The following ASB11 variants were observed in gnomAD, a reference collection of about 807,000 sequenced individuals.
The protein encoded by ASB11 is ankyrin repeat and SOCS box protein 11.
In ASB11, 17 loss-of-function variants were observed where a neutral mutation model predicts 20.1. The ratio of observed to expected loss-of-function variants is 0.85; its 90% CI spans 0.58 to 1.27. ASB11 has a LOEUF of 1.27. ASB11 is among the 50% of genes most tolerant of loss of function. ASB11 has a pLI of 0.00. For missense variants in ASB11, 259 were observed against 256.9 expected, an observed-to-expected ratio of 1.01 and a Z score of -0.06; for synonymous variants, 107 against 105.6, an observed-to-expected ratio of 1.01 and a Z score of -0.08.
intron 5 of ASB11, among the ~76,000 whole-genome samples, chrX:15,288,937 G>A (rs899043946): frequency 2.7e-5 from 3 of 111,184 alleles, no homozygotes; most frequent in African/African-American, 9.8e-5. Context: ...TTCTGTATAT[G>A]CCTTTTAGAA....
chrX:15,300,852 T>C (rs1255116097), intron 2 of ASB11, among the ~76,000 whole-genome samples: 2 of 111,998 alleles, frequency 1.8e-5, no homozygotes, highest in Non-Finnish European at 1.9e-5. Context: ...CTATTAAAAA[T>C]ATACCAATGA....
chrX:15,284,178 G>C (rs762048689), intron 6 of ASB11, among the ~76,000 whole-genome samples: 1 of 105,648 alleles, frequency 9.5e-6, no homozygotes, highest in African/African-American at 3.5e-5. Context: ...CGTGAACCCG[G>C]GAGGCGGAGC....
At chrX:15,288,916 G>A (rs1437275454) in intron 5 of ASB11, among the ~76,000 whole-genome samples, 2 of 110,964 alleles carry the variant, frequency 1.8e-5, no homozygotes, top group Non-Finnish European at 3.8e-5. Context: ...ATTTTTCCAC[G>A]GACTCTTGGT....
intron 6 of ASB11, 107 bp downstream of exon 6, chrX:15,287,774 A>G: frequency 1.1e-6 from 1 of 951,240 alleles, no homozygotes; most frequent in African/African-American, 2.0e-5. Flanking sequence ...CCACAATGCC[A>G]CCTTCAATTA....
chrX:15,290,511 G>A (rs1345361786), intron 4 of ASB11, among the ~76,000 whole-genome samples: 5 of 112,289 alleles, frequency 4.5e-5, no homozygotes, highest in Non-Finnish European at 7.5e-5. Context: ...TTCATATTCA[G>A]TGGCTAACAA....
intron 3 of ASB11, 102 bp from the exon 4 acceptor site, chrX:15,293,422 G>T (rs1927585468): frequency 2.1e-6 from 2 of 935,212 alleles, no homozygotes; most frequent in Non-Finnish European, 2.9e-6. Context: ...CCCCACGCTG[G>T]TGAATAAGTG....
intron 3 of ASB11, among the ~76,000 whole-genome samples, chrX:15,294,025 AAAAAAT>A (rs1467048451): frequency 5.4e-5 from 6 of 111,205 alleles, no homozygotes; most frequent in Admixed American, 9.6e-5. Flanking sequence ...AAAGTATAAT[AAAAAAT>A]AAAAATAAAA....
chrX:15,285,348 C>T (rs1927353137), intron 6 of ASB11, among the ~76,000 whole-genome samples: 1 of 108,817 alleles, frequency 9.2e-6, no homozygotes, highest in East Asian at 2.9e-4. Flanking sequence ...ACCATCTTAG[C>T]CAGGCTGGTC....
chrX:15,295,272 A>C (rs968209891), intron 3 of ASB11, among the ~76,000 whole-genome samples: 3 of 110,316 alleles, frequency 2.7e-5, no homozygotes, highest in Non-Finnish European at 3.8e-5. Context: ...TGATCTCTTG[A>C]TCTCATGATC....
At chrX:15,306,362 G>T (rs969002031) in intron 1 of ASB11, among the ~76,000 whole-genome samples, 1 of 112,084 alleles carries the variant, frequency 8.9e-6, no homozygotes, top group South Asian at 3.7e-4. Context: ...TATTGCATTT[G>T]TATTTACCCT....
intron 2 of ASB11, among the ~76,000 whole-genome samples, chrX:15,298,041 T>A (rs1920984773): frequency 8.9e-6 from 1 of 112,006 alleles, no homozygotes; most frequent in Admixed American, 9.5e-5. Flanking sequence ...GCAGGTAATG[T>A]ACTAGGACCT....
At chrX:15,303,720 G>C (rs1206591040) in intron 1 of ASB11, among the ~76,000 whole-genome samples, 1 of 111,464 alleles carries the variant, frequency 9.0e-6, no homozygotes, top group African/African-American at 3.3e-5. Context: ...TTGAACCCCA[G>C]TTTCCTTACT....
intron 4 of ASB11, among the ~76,000 whole-genome samples, chrX:15,290,610 GGA>G (rs1927508051): frequency 8.9e-6 from 1 of 112,114 alleles, no homozygotes; most frequent in Non-Finnish European, 1.9e-5. Flanking sequence ...GCTTTGTTCA[GGA>G]GAGAGTGCTT....
intron 2 of ASB11, among the ~76,000 whole-genome samples, chrX:15,300,825 A>T (rs886208310): frequency 1.8e-5 from 2 of 112,297 alleles, no homozygotes; most frequent in Non-Finnish European, 3.8e-5. Context: ...TTAAAATTAT[A>T]CAAAAATTTA....
intron 2 of ASB11, among the ~76,000 whole-genome samples, chrX:15,301,952 T>A (rs1921081922): frequency 8.9e-6 from 1 of 111,780 alleles, no homozygotes; most frequent in Non-Finnish European, 1.9e-5. Flanking sequence ...CCTTGTATAA[T>A]CCCTGCCCCT....
At chrX:15,314,773 T>C (rs781053483) in intron 1 of ASB11, among the ~76,000 whole-genome samples, 8 of 110,432 alleles carry the variant, frequency 7.2e-5, no homozygotes, top group African/African-American at 2.3e-4. Context: ...TTGTAGCATC[T>C]CACCACAATT....
At chrX:15,296,796 G>C (rs1458682577) in intron 3 of ASB11, among the ~76,000 whole-genome samples, 2 of 111,519 alleles carry the variant, frequency 1.8e-5, no homozygotes, top group Non-Finnish European at 3.8e-5. Flanking sequence ...AACCATTATG[G>C]GGAACAGTTT....
chrX:15,282,592 G>A lies in ASB11; in HGVS notation c.*913C>T, dbSNP rs1194335058. On this transcript the variant is annotated 3_prime_UTR_variant, in exon 7 of 7. Transcript: ENST00000480796. Reference sequence around the variant, plus strand: ...GCAACATGCCTCAGACAATGCCTGTGGGTTCAGGTTGTTGGGGACACCCAG... The same window carrying A: ...GCAACATGCCTCAGACAATGCCTGTAGGTTCAGGTTGTTGGGGACACCCAG... 9.0e-6 allele frequency: 1 copy of A among 111,027 alleles called. No homozygotes were observed. The highest frequency in any genetic ancestry group is 1.9e-5 in the Non-Finnish European group (1 of 53,076). 9.1% of individuals were successfully genotyped at this position (111,027 alleles called of 1,213,427 possible). A position where few individuals can be genotyped will look rare whatever the true frequency, so the allele number is the denominator to read the frequency against.
chrX:15,283,524 C>A lies in ASB11; in HGVS notation c.953G>T (p.Arg318Leu). ...HKLHLPEPLE[R>L]FLLYQ ...TTAGGACTATTGGTATAGGAGGAAT[C>A]GTTCGAGTGGCTCTGGCAGATGTAG... The change falls in exon 7 of 7, where the codon CGA becomes CTA. Residue 318 changes from arginine to leucine, a missense_variant. Transcript: ENST00000480796. 5 of 1,210,885 alleles carry A rather than the reference C, an allele frequency of 4.1e-6. No individual in the cohort carries two copies. The highest frequency in any genetic ancestry group is 5.6e-6 in the Non-Finnish European group (5 of 895,019).
Sources: allele counts gnomAD v4.1 joint callset (sites outside exome capture counted in the v4.1 genomes callset), GRCh38; gene constraint gnomAD v4.1.1; transcripts MANE v1.5; gene names NCBI Gene and HGNC (gene_info 2026-07-23, HGNC 2026-07-21).